The following SHC3 variants were observed in gnomAD, a reference collection of about 807,000 sequenced individuals.
SHC3 encodes SHC-transforming protein 3.
A neutral mutation model predicts 60.4 loss-of-function variants in SHC3; 15 were observed. That is an observed-to-expected ratio of 0.25 (90% CI 0.17 to 0.38). The LOEUF (loss-of-function observed/expected upper bound fraction) is 0.38, where lower values mean the gene tolerates loss of function less well. SHC3 is among the 10% of genes least tolerant of loss of function. SHC3 has a pLI of 1.00. For synonymous variants in SHC3, 294 were observed against 325.9 expected (o/e 0.90, Z 1.05); for missense variants, 677 against 786.1 (o/e 0.86, Z 1.66).
At chr9:89,105,937 C>T (rs1587730173) in intron 2 of SHC3, among the ~76,000 whole-genome samples, 1 of 152,292 alleles carries the variant, frequency 6.6e-6, no homozygotes, top group Non-Finnish European at 1.5e-5. Flanking sequence ...TTATTATACA[C>T]AGAATTTTAT....
intron 1 of SHC3, 65 bp from the exon 2 acceptor site, chr9:89,112,691 A>C (rs1375797905): frequency 5.7e-6 from 8 of 1,404,148 alleles, no homozygotes; most frequent in Non-Finnish European, 7.7e-6. Context: ...ACTCCTAACT[A>C]TACAAGGGCA....
Position 89,012,694 on chromosome 9 carries a change from C to T in SHC3, c.*753G>A, listed in dbSNP as rs1172388111. 2.6e-5 allele frequency: 4 copies of T among 152,190 alleles called. No homozygotes were observed. The highest frequency in any genetic ancestry group is 1.5e-5 in the Non-Finnish European group (1 of 68,030). 9.4% of individuals were successfully genotyped at this position (152,190 alleles called of 1,614,324 possible). ...TCAATCAAAATCTTGGTTGGTGAAG[C>T]TTATTTTGTGCCATTTTGGCATGAA... On this transcript the variant is annotated 3_prime_UTR_variant, in exon 12 of 12. Coordinates refer to ENST00000375835, the MANE Select transcript of SHC3 (RefSeq NM_016848.6).
At chr9:89,114,291 T>C (rs1276355427) in intron 1 of SHC3, among the ~76,000 whole-genome samples, 1 of 152,176 alleles carries the variant, frequency 6.6e-6, no homozygotes, top group Non-Finnish European at 1.5e-5. Context: ...ATTTGAAAAC[T>C]ATGAACAATT....
At chr9:89,143,508 T>G (rs1044798766) in intron 1 of SHC3, among the ~76,000 whole-genome samples, 1 of 151,998 alleles carries the variant, frequency 6.6e-6, no homozygotes, top group Admixed American at 6.6e-5. Context: ...CAAGATGGAG[T>G]TGCTCTGGTT....
At chr9:89,017,412 TA>T (rs1294389376) in intron 11 of SHC3, among the ~76,000 whole-genome samples, 1 of 152,184 alleles carries the variant, frequency 6.6e-6, no homozygotes, top group Non-Finnish European at 1.5e-5. Context: ...ATTCACTATT[TA>T]ATAAATGGTG....
At chr9:89,062,840 G>A (rs1274546034) in intron 6 of SHC3, among the ~76,000 whole-genome samples, 2 of 152,182 alleles carry the variant, frequency 1.3e-5, no homozygotes, top group Admixed American at 1.3e-4. Flanking sequence ...CATGGCATAG[G>A]GGAGGAAGAA....
At chr9:89,025,414 G>A (rs1036428418) in intron 11 of SHC3, among the ~76,000 whole-genome samples, 1 of 152,140 alleles carries the variant, frequency 6.6e-6, no homozygotes, top group African/African-American at 2.4e-5. Flanking sequence ...ATTAAGACGT[G>A]ATCCAGGTCC....
chr9:89,038,342 T>TG (rs1218915230), intron 10 of SHC3, 54 bp from the exon 11 acceptor site: 16 of 1,231,080 alleles, frequency 1.3e-5, no homozygotes, highest in Non-Finnish European at 1.7e-5. Context: ...GAGCAAATGA[T>TG]AAAAAAAAAA....
At chr9:89,137,338 T>C (rs1009073135) in intron 1 of SHC3, among the ~76,000 whole-genome samples, 9 of 152,196 alleles carry the variant, frequency 5.9e-5, no homozygotes, top group Non-Finnish European at 4.4e-5. Flanking sequence ...CAGTGTGTTT[T>C]ATTTCTCAAA....
chr9:89,153,004 G>A (rs1053865824), intron 1 of SHC3, among the ~76,000 whole-genome samples: 2 of 152,124 alleles, frequency 1.3e-5, no homozygotes, highest in Non-Finnish European at 2.9e-5. Context: ...AAAGAACTCA[G>A]GGGGTGGGAC....
chr9:89,037,260 A>G (rs1824597932), intron 11 of SHC3: 1 of 479,398 alleles, frequency 2.1e-6, no homozygotes, highest in Non-Finnish European at 3.6e-6. Context: ...TGTCAATCAG[A>G]AAATGCAATG....
chr9:89,102,370 A>C (rs1274770728), intron 2 of SHC3, among the ~76,000 whole-genome samples: 3 of 152,208 alleles, frequency 2.0e-5, no homozygotes. Flanking sequence ...TATGAAAAAA[A>C]CAGATGGTAA....
At chr9:89,117,794 T>C (rs13295927) in intron 1 of SHC3, among the ~76,000 whole-genome samples, 15,875 of 152,178 alleles carry the variant, frequency 0.1, 1,107 homozygotes, top group Non-Finnish European at 0.16. Context: ...TTAATGTTTT[T>C]CATTTAGCTT....
At position 89,013,144 on chromosome 9, in the gene SHC3, A is replaced by T. The variant is rs1548326; in HGVS notation, c.*303T>A. ...TGCCTGGACAACTACAGTTAAACTTATTTTTTTTTTTCATTAAAAACATAC... is the reference window on the plus strand; with the variant it reads ...TGCCTGGACAACTACAGTTAAACTTTTTTTTTTTTTTCATTAAAAACATAC... On this transcript the variant is annotated 3_prime_UTR_variant, in exon 12 of 12. Coordinates refer to ENST00000375835, the MANE Select transcript of SHC3 (RefSeq NM_016848.6). The T allele has an allele frequency of 0.79, 131,934 of 166,976 alleles. 49,502 individuals are homozygous for T. Among genetic ancestry groups the T allele is most frequent in the East Asian group, 0.95 (6,522 of 6,852 alleles). 10.3% of individuals were successfully genotyped at this position (166,976 alleles called of 1,614,324 possible). A position where few individuals can be genotyped will look rare whatever the true frequency, so the allele number is the denominator to read the frequency against.
intron 11 of SHC3, among the ~76,000 whole-genome samples, chr9:89,015,902 A>T (rs1372906066): frequency 6.6e-6 from 1 of 152,250 alleles, no homozygotes; most frequent in East Asian, 1.9e-4. Flanking sequence ...ATATACTAGA[A>T]ATTAAGAAAA....
At chr9:89,085,511 T>A (rs1825514593) in intron 2 of SHC3, among the ~76,000 whole-genome samples, 1 of 152,318 alleles carries the variant, frequency 6.6e-6, no homozygotes, top group South Asian at 2.1e-4. Flanking sequence ...AAAGTCTTTT[T>A]CCGTAGGATT....
chr9:89,163,196 G>A (rs1363046760), intron 1 of SHC3, among the ~76,000 whole-genome samples: 1 of 151,662 alleles, frequency 6.6e-6, no homozygotes, highest in Non-Finnish European at 1.5e-5. Flanking sequence ...AGATTCCTCA[G>A]GGATCTAGAA....
intron 6 of SHC3, 79 bp from the exon 7 acceptor site, chr9:89,052,242 A>T: frequency 6.4e-7 from 1 of 1,568,128 alleles, no homozygotes; most frequent in Non-Finnish European, 8.7e-7. Flanking sequence ...GCCCTTGCTG[A>T]GGACACAGGG....
intron 1 of SHC3, among the ~76,000 whole-genome samples, chr9:89,129,412 C>A (rs1233518246): frequency 6.6e-6 from 1 of 152,142 alleles, no homozygotes; most frequent in Non-Finnish European, 1.5e-5. Context: ...GAGAATGACA[C>A]AAAGATACTC....
Sources: allele counts gnomAD v4.1 joint callset (sites outside exome capture counted in the v4.1 genomes callset), GRCh38; gene constraint gnomAD v4.1.1; transcripts MANE v1.5; gene names NCBI Gene and HGNC (gene_info 2026-07-23, HGNC 2026-07-21).